SSBP3: variants seen among roughly 807,000 people sequenced by gnomAD.
SSBP3 encodes single stranded DNA binding protein 3.
A neutral mutation model predicts 69.6 loss-of-function variants in SSBP3; 5 were observed. The ratio of observed to expected loss-of-function variants is 0.07; its 90% CI spans 0.04 to 0.15. SSBP3 has a LOEUF of 0.15. Ranked by LOEUF, SSBP3 falls within the 10% of genes least tolerant of loss-of-function variation. The pLI, the probability that SSBP3 is intolerant of heterozygous loss-of-function variation, is 1.00. For missense variants in SSBP3, 312 were observed against 534.0 expected (o/e 0.58, Z 4.10); for synonymous variants, 196 against 193.4 (o/e 1.01, Z -0.11).
At chr1:54,280,084 C>T (rs1360604950) in intron 5 of SSBP3, among the ~76,000 whole-genome samples, 1 of 152,228 alleles carries the variant, frequency 6.6e-6, no homozygotes, top group Non-Finnish European at 1.5e-5. Context: ...GGCCATCCTG[C>T]ATCCCTCTCT....
chr1:54,349,545 A>T (rs993951988), intron 4 of SSBP3, among the ~76,000 whole-genome samples: 4 of 152,150 alleles, frequency 2.6e-5, no homozygotes, highest in African/African-American at 9.7e-5. Flanking sequence ...ATGAAGCCAA[A>T]ATCAAAGAGG....
intron 5 of SSBP3, among the ~76,000 whole-genome samples, chr1:54,276,252 G>A (rs1645281086): frequency 6.6e-6 from 1 of 152,126 alleles, no homozygotes; most frequent in South Asian, 2.1e-4. Flanking sequence ...CTTTTCCAGA[G>A]AAGGCAGTCT....
intron 4 of SSBP3, among the ~76,000 whole-genome samples, chr1:54,392,019 G>A (rs1242515354): frequency 6.6e-6 from 1 of 151,996 alleles, no homozygotes; most frequent in African/African-American, 2.4e-5. Context: ...GCGCTCTCAG[G>A]CCCTCTCCTC....
intron 4 of SSBP3, among the ~76,000 whole-genome samples, chr1:54,289,053 A>C (rs950445688): frequency 2.3e-5 from 3 of 128,056 alleles, no homozygotes; most frequent in East Asian, 1.9e-4. Flanking sequence ...AACAAAAAAA[A>C]AAAACAGTAA....
chr1:54,316,728 A>G (rs1646121645), intron 4 of SSBP3, among the ~76,000 whole-genome samples: 1 of 150,482 alleles, frequency 6.6e-6, no homozygotes, highest in African/African-American at 2.4e-5. Flanking sequence ...ATAAAATAAA[A>G]TAAAAATGTC....
At chr1:54,243,186 G>A (rs201346200) in intron 10 of SSBP3, 49 bp downstream of exon 10, 2 of 1,565,174 alleles carry the variant, frequency 1.3e-6, no homozygotes, top group Non-Finnish European at 1.8e-6. Flanking sequence ...GGCAGAGGGT[G>A]GGGGAAGACC....
At chr1:54,293,435 A>G (rs1645644291) in intron 4 of SSBP3, among the ~76,000 whole-genome samples, 1 of 152,180 alleles carries the variant, frequency 6.6e-6, no homozygotes, top group Non-Finnish European at 1.5e-5. Context: ...TCCCCTACTC[A>G]TGCCACCCAT....
intron 13 of SSBP3, among the ~76,000 whole-genome samples, chr1:54,240,080 G>A: frequency 5.5e-5 from 1 of 18,076 alleles, no homozygotes; most frequent in Non-Finnish European, 9.2e-5. Context: ...GTGTGTGTGT[G>A]TGTGTGTGCG....
At chr1:54,237,447 C>T (rs1644517289) in intron 14 of SSBP3, 1 of 152,116 alleles carries the variant, frequency 6.6e-6, no homozygotes, top group African/African-American at 2.4e-5. Flanking sequence ...TCAAAAAAAC[C>T]TTGATTTAGA....
At chr1:54,275,599 C>A (rs1407130033) in intron 5 of SSBP3, among the ~76,000 whole-genome samples, 1 of 152,234 alleles carries the variant, frequency 6.6e-6, no homozygotes, top group Non-Finnish European at 1.5e-5. Flanking sequence ...ACATCACCCA[C>A]CCCACAGCTC....
chr1:54,251,572 C>T, intron 9 of SSBP3, 44 bp downstream of exon 9: 1 of 1,541,566 alleles, frequency 6.5e-7, no homozygotes, highest in Non-Finnish European at 8.8e-7. Context: ...GGCGGGTGCA[C>T]ACAGATGGCC....
intron 5 of SSBP3, among the ~76,000 whole-genome samples, chr1:54,272,711 G>C (rs540694389): frequency 1.3e-5 from 2 of 152,204 alleles, no homozygotes; most frequent in Non-Finnish European, 2.9e-5. Flanking sequence ...GCCGACCTGC[G>C]GCAGAGCAGC....
chr1:54,395,627 ACTATATTACTTAACC>A (rs1648809794), intron 4 of SSBP3, among the ~76,000 whole-genome samples: 1 of 152,142 alleles, frequency 6.6e-6, no homozygotes, highest in East Asian at 1.9e-4. Flanking sequence ...GGATGACTGT[ACTATATTACTTAACC>A]CTCACAACCA....
intron 4 of SSBP3, among the ~76,000 whole-genome samples, chr1:54,349,103 T>C (rs1646739154): frequency 6.6e-6 from 1 of 152,236 alleles, no homozygotes; most frequent in Admixed American, 6.5e-5. Flanking sequence ...AAAGCTCTTC[T>C]GAGGATGGAA....
chr1:54,264,234 G>A (rs569632487), intron 5 of SSBP3, among the ~76,000 whole-genome samples: 1 of 152,240 alleles, frequency 6.6e-6, no homozygotes, highest in East Asian at 1.9e-4. Context: ...CCAGGGAGGT[G>A]GAGGCTGCAG....
intron 4 of SSBP3, among the ~76,000 whole-genome samples, chr1:54,306,312 C>G (rs140209053): frequency 6.6e-6 from 1 of 152,236 alleles, no homozygotes. Flanking sequence ...AGGCTGGTGT[C>G]AGCCGTGTGT....
intron 5 of SSBP3, among the ~76,000 whole-genome samples, chr1:54,276,603 TG>T (rs1422497734): frequency 5.4e-5 from 2 of 36,804 alleles, no homozygotes; most frequent in African/African-American, 3.4e-4. Context: ...AGTGAGACTC[TG>T]TCTCAAAAAA....
At chr1:54,350,119 T>A (rs545239644) in intron 4 of SSBP3, among the ~76,000 whole-genome samples, 3 of 152,224 alleles carry the variant, frequency 2.0e-5, no homozygotes, top group African/African-American at 7.2e-5. Flanking sequence ...AGCATCCACG[T>A]GAAAAGGCAT....
intron 4 of SSBP3, among the ~76,000 whole-genome samples, chr1:54,344,987 C>T (rs1470373007): frequency 6.6e-6 from 1 of 152,166 alleles, no homozygotes; most frequent in Non-Finnish European, 1.5e-5. Flanking sequence ...ACTGAGGAGA[C>T]GTATAATTCA....
Sources: allele counts gnomAD v4.1 joint callset (sites outside exome capture counted in the v4.1 genomes callset), GRCh38; gene constraint gnomAD v4.1.1; transcripts MANE v1.5; gene names NCBI Gene and HGNC (gene_info 2026-07-23, HGNC 2026-07-21).